Variants in SRGAP3 observed in about 807,000 individuals in gnomAD.
The protein encoded by SRGAP3 is SLIT-ROBO Rho GTPase activating protein 3.
Under a neutral mutation model 121.1 loss-of-function variants are expected in SRGAP3, and 39 were observed. That is an observed-to-expected ratio of 0.32 (90% CI 0.25 to 0.42). The LOEUF (loss-of-function observed/expected upper bound fraction) is 0.42. SRGAP3 is among the 10% of genes least tolerant of loss of function. The pLI is 1.00. For synonymous variants in SRGAP3, 601 were observed against 570.0 expected (o/e 1.05, Z -0.77); for missense variants, 1,213 against 1,470.6 (o/e 0.82, Z 2.86).
At chr3:9,358,951 T>C (rs2030659029) in intron 1 of SRGAP3, among the ~76,000 whole-genome samples, 1 of 152,196 alleles carries the variant, frequency 6.6e-6, no homozygotes, top group Non-Finnish European at 1.5e-5. Context: ...ACAAATTTAT[T>C]AAACCATGTA....
At chr3:9,077,419 G>A (rs990502578) in intron 4 of SRGAP3, among the ~76,000 whole-genome samples, 96 of 152,256 alleles carry the variant, frequency 6.3e-4, no homozygotes, top group African/African-American at 2.3e-3. Flanking sequence ...TCAGTGTGCA[G>A]GCAACAAATG....
intron 3 of SRGAP3, among the ~76,000 whole-genome samples, chr3:9,303,095 AT>A (rs1955095254): frequency 6.6e-6 from 1 of 151,358 alleles, no homozygotes; most frequent in African/African-American, 2.4e-5. Context: ...TTTCCTTTAC[AT>A]TTGTTTGTTT....
intron 18 of SRGAP3, among the ~76,000 whole-genome samples, chr3:9,004,710 C>G (rs1194104261): frequency 2.6e-5 from 4 of 152,182 alleles, no homozygotes; most frequent in African/African-American, 9.7e-5. Context: ...GCTGGGACAA[C>G]TGGAGAGCCA....
chr3:9,124,469 G>A (rs1451583676), intron 2 of SRGAP3, among the ~76,000 whole-genome samples: 1 of 152,198 alleles, frequency 6.6e-6, no homozygotes, highest in South Asian at 2.1e-4. Flanking sequence ...AGCACCTATT[G>A]TCTGTGACAA....
intron 3 of SRGAP3, among the ~76,000 whole-genome samples, chr3:9,325,736 T>C (rs946610994): frequency 6.6e-6 from 1 of 152,036 alleles, no homozygotes; most frequent in Non-Finnish European, 1.5e-5. Context: ...GTTTCTCACC[T>C]ACATTGGGCC....
At chr3:9,288,130 G>GTTTTTTTTTTTTTTTTTTTTTT (rs57076828) in intron 3 of SRGAP3, among the ~76,000 whole-genome samples, 2 of 119,100 alleles carry the variant, frequency 1.7e-5, no homozygotes, top group Non-Finnish European at 3.4e-5. Flanking sequence ...TTCTATCTTT[G>GTTTTTTTTTTTTTTTTTTTTTT]TTTTTTTTTT....
intron 1 of SRGAP3, among the ~76,000 whole-genome samples, chr3:9,205,250 T>C (rs1952223474): frequency 6.6e-6 from 1 of 152,268 alleles, no homozygotes; most frequent in Admixed American, 6.5e-5. Flanking sequence ...TTTTCTTTAA[T>C]ACAATATGTC....
rs1941598288 is a variant in SRGAP3 at position 8,984,964 on chromosome 3, A to C, written c.*555T>G. 1 of 228,784 alleles carries C rather than the reference A, an allele frequency of 4.4e-6. No individual in the cohort carries two copies. Among genetic ancestry groups the C allele is most frequent in the Non-Finnish European group, 8.7e-6 (1 of 115,098 alleles). The allele number at this position is 228,784 out of a possible 1,614,324, so 14.2% of individuals were successfully genotyped here. A position where few individuals can be genotyped will look rare whatever the true frequency, so the allele number is the denominator to read the frequency against. ...AGAAAAGTCCCTGCAAATCCCACCA[A>C]ATAACTCGGTGGGAGATGTTTGGTG... On this transcript the variant is annotated 3_prime_UTR_variant, in exon 22 of 22. Transcript: ENST00000383836.
intron 3 of SRGAP3, among the ~76,000 whole-genome samples, chr3:9,090,770 G>A (rs982526143): frequency 1.3e-5 from 2 of 152,116 alleles, no homozygotes; most frequent in African/African-American, 4.8e-5. Context: ...CCAAGTAGCT[G>A]GGATTACTGG....
chr3:9,296,321 T>C (rs1005458878), intron 3 of SRGAP3, among the ~76,000 whole-genome samples: 4 of 152,234 alleles, frequency 2.6e-5, no homozygotes, highest in African/African-American at 9.6e-5. Context: ...CTGTTTTTGA[T>C]AATAGTCATC....
At chr3:9,285,061 T>C (rs1954745160) in intron 3 of SRGAP3, among the ~76,000 whole-genome samples, 1 of 152,038 alleles carries the variant, frequency 6.6e-6, no homozygotes, top group South Asian at 2.1e-4. Flanking sequence ...AAGTAATCAG[T>C]GAAAATCTAG....
chr3:9,023,053 AAAGGGTGGGGTTGCCCGTGGCAAC>A (rs1336791151), intron 14 of SRGAP3, among the ~76,000 whole-genome samples: 2 of 152,282 alleles, frequency 1.3e-5, no homozygotes, highest in East Asian at 3.9e-4. Context: ...CAGAGTAGGG[AAAGGGTGGGGTTGCCCGTGGCAAC>A]AAGGTTACAT....
At chr3:9,250,810 A>G (rs1319257312), upstream of SRGAP3, among the ~76,000 whole-genome samples, 1 of 152,214 alleles carries the variant, frequency 6.6e-6, no homozygotes, top group Non-Finnish European at 1.5e-5. Flanking sequence ...AGTCTCCTGC[A>G]TTCTACAAGG....
chr3:9,073,668 C>A (rs1470058566), intron 4 of SRGAP3, among the ~76,000 whole-genome samples: 1 of 152,148 alleles, frequency 6.6e-6, no homozygotes, highest in African/African-American at 2.4e-5. Context: ...TGAAATGGAT[C>A]GGTACATGTA....
chr3:8,985,504 G>T lies in SRGAP3; in HGVS notation c.*15C>A. 6.3e-7 allele frequency: 1 copy of T among 1,598,264 alleles called. No individual in the cohort carries two copies. ...GAGCCACAGCGGGCCACGGCGGCGC[G>T]GCCCATCCTGCAGGTCACATGGTGC... On this transcript the variant is annotated 3_prime_UTR_variant, in exon 22 of 22. Coordinates refer to ENST00000383836, the MANE Select transcript of SRGAP3 (RefSeq NM_014850.4). The surrounding 1 kb of genome is among the most constrained non-coding windows in gnomAD (Gnocchi z 5.1).
chr3:8,985,351 C>G lies in SRGAP3; in HGVS notation c.*168G>C. The G allele has an allele frequency of 7.3e-7, 1 of 1,376,298 alleles. No homozygotes were observed. The highest frequency in any genetic ancestry group is 9.5e-7 in the Non-Finnish European group (1 of 1,051,290). 85.3% of individuals were successfully genotyped at this position (1,376,298 alleles called of 1,614,324 possible). A position where few individuals can be genotyped will look rare whatever the true frequency, so the allele number is the denominator to read the frequency against. ...GGTCCGTGGGATTCCCATGGCTGGACGTGAGCTGCAGCCAGCGCCCGGGCC... is the reference window on the plus strand; with the variant it reads ...GGTCCGTGGGATTCCCATGGCTGGAGGTGAGCTGCAGCCAGCGCCCGGGCC... On this transcript the variant is annotated 3_prime_UTR_variant, in exon 22 of 22. Coordinates refer to ENST00000383836, the MANE Select transcript of SRGAP3 (RefSeq NM_014850.4). The surrounding 1 kb of genome is among the most constrained non-coding windows in gnomAD (Gnocchi z 5.1).
At chr3:9,077,715 G>A (rs980674134) in intron 4 of SRGAP3, among the ~76,000 whole-genome samples, 1 of 152,264 alleles carries the variant, frequency 6.6e-6, no homozygotes, top group Non-Finnish European at 1.5e-5. Context: ...ACAGGGAGGT[G>A]TGCATGGAGC....
intron 3 of SRGAP3, chr3:9,257,645 T>C (rs980223750): frequency 6.0e-5 from 9 of 149,196 alleles, no homozygotes; most frequent in Non-Finnish European, 1.3e-4. Flanking sequence ...CCAAATGCTA[T>C]AAATAGATGA....
intron 1 of SRGAP3, among the ~76,000 whole-genome samples, chr3:9,354,576 G>A (rs2030388159): frequency 6.6e-6 from 1 of 151,878 alleles, no homozygotes; most frequent in Admixed American, 6.6e-5. Context: ...CAGCTACTGA[G>A]GAGGCTGAGG....
Sources: gnomAD v4.1 joint callset for allele counts (sites outside exome capture counted in the v4.1 genomes callset) on GRCh38, gnomAD v4.1.1 for gene constraint, Gnocchi (gnomAD v3.1) non-coding constraint, MANE v1.5 for transcripts, NCBI Gene and HGNC (gene_info 2026-07-23, HGNC 2026-07-21) for gene names.